Variants in ZNF800 observed in about 807,000 individuals in gnomAD.
ZNF800 encodes the protein zinc finger protein 800.
ZNF800 carries 13 observed loss-of-function variants against 59.5 expected under a neutral mutation model. The ratio of observed to expected loss-of-function variants is 0.22; its 90% CI spans 0.14 to 0.35. The LOEUF (loss-of-function observed/expected upper bound fraction) is 0.35, where lower values mean the gene tolerates loss of function less well. ZNF800 is among the 10% of genes least tolerant of loss of function. ZNF800 has a pLI of 1.00. For synonymous variants in ZNF800, 266 were observed against 265.7 expected (o/e 1.00, Z -0.01); for missense variants, 621 against 783.7 (o/e 0.79, Z 2.48).
intron 3 of ZNF800, among the ~76,000 whole-genome samples, chr7:127,379,628 C>T (rs899831524): frequency 2.6e-5 from 4 of 152,166 alleles, no homozygotes; most frequent in Middle Eastern, 3.4e-3. Flanking sequence ...ATCCCTAAAT[C>T]AGACACATCA....
At chr7:127,348,894 A>G (rs939546999) in intron 1 of ZNF800, among the ~76,000 whole-genome samples, 2 of 152,236 alleles carry the variant, frequency 1.3e-5, no homozygotes. Flanking sequence ...GTGGACATCA[A>G]AAGATTTTAA....
chr7:127,389,155 A>G (rs1173682280), intron 2 of ZNF800, among the ~76,000 whole-genome samples: 1 of 152,088 alleles, frequency 6.6e-6, no homozygotes, highest in Admixed American at 6.5e-5. Flanking sequence ...AATATTAGGG[A>G]GAGAGAGTAA....
At chr7:127,385,125 C>A (rs1293576778) in intron 3 of ZNF800, among the ~76,000 whole-genome samples, 2 of 152,118 alleles carry the variant, frequency 1.3e-5, no homozygotes, top group Admixed American at 6.6e-5. Flanking sequence ...TAGAAACAAG[C>A]AACTCAAAAA....
intron 2 of ZNF800, among the ~76,000 whole-genome samples, chr7:127,386,859 AAAC>A (rs1291337842): frequency 6.6e-6 from 1 of 151,890 alleles, no homozygotes; most frequent in Non-Finnish European, 1.5e-5. Context: ...GTTAAGCAAC[AAAC>A]ATAGGTTATA....
intron 1 of ZNF800, chr7:127,362,989 A>G (rs1800424615): frequency 6.6e-6 from 1 of 152,206 alleles, no homozygotes; most frequent in Non-Finnish European, 1.5e-5. Flanking sequence ...AAACATTCAG[A>G]GGCAGGATGG....
chr7:127,354,497 A>G (rs1399735700), intron 1 of ZNF800, among the ~76,000 whole-genome samples: 1 of 152,136 alleles, frequency 6.6e-6, no homozygotes, highest in Admixed American at 6.5e-5. Context: ...AGCAAGGTGC[A>G]GAAAGGTATG....
Position 127,370,657 on chromosome 7 carries a change from C to A in ZNF800, c.*1157G>T, listed in dbSNP as rs1800611427. On this transcript the variant is annotated 3_prime_UTR_variant, in exon 6 of 6. Transcript: ENST00000265827. ...AAACATGGTATATTTTCTGCTGTAC[C>A]TTTTATAATTATAATTTGACACAAA... 1.3e-5 allele frequency: 2 copies of A among 152,338 alleles called. No individual in the cohort carries two copies. Among genetic ancestry groups the A allele is most frequent in the African/African-American group, 4.8e-5 (2 of 41,392 alleles). The allele number at this position is 152,338 out of a possible 1,614,324, so 9.4% of individuals were successfully genotyped here. A position where few individuals can be genotyped will look rare whatever the true frequency, so the allele number is the denominator to read the frequency against.
At chr7:127,347,382 G>A (rs1185469261) in exon 2 of ZNF800, 9 of 150,446 alleles carry the variant, frequency 6.0e-5, no homozygotes, top group African/African-American at 2.0e-4. Flanking sequence ...GGGTTGTGGC[G>A]GGGGGGTGGG....
intron 1 of ZNF800, chr7:127,361,783 ATT>A (rs1009825462): frequency 6.6e-6 from 1 of 152,144 alleles, no homozygotes; most frequent in African/African-American, 2.4e-5. Context: ...ATTCACTAAT[ATT>A]TATTCATTCC....
chr7:127,349,016 C>G (rs73445355), intron 1 of ZNF800, among the ~76,000 whole-genome samples: 4,643 of 151,992 alleles, frequency 0.031, 213 homozygotes, highest in African/African-American at 0.099. Flanking sequence ...AAGCTACTGT[C>G]TTTTGTGACA....
At chr7:127,348,757 T>G (rs1408417796) in intron 1 of ZNF800, among the ~76,000 whole-genome samples, 1 of 152,212 alleles carries the variant, frequency 6.6e-6, no homozygotes, top group Non-Finnish European at 1.5e-5. Context: ...TTCCCAAATT[T>G]CATACAAGTT....
At chr7:127,363,808 A>C (rs185363825) in intron 1 of ZNF800, 72 of 152,238 alleles carry the variant, frequency 4.7e-4, no homozygotes, top group African/African-American at 1.6e-3. Flanking sequence ...AAAGTGATTT[A>C]AACTGGAAAG....
At chr7:127,345,193 A>C (rs1800035226), downstream of ZNF800, among the ~76,000 whole-genome samples, 1 of 152,206 alleles carries the variant, frequency 6.6e-6, no homozygotes, top group Non-Finnish European at 1.5e-5. Context: ...TTGTGCACCT[A>C]ATATGTGTCA....
chr7:127,379,268 T>C (rs1800883007), intron 3 of ZNF800, among the ~76,000 whole-genome samples: 2 of 152,144 alleles, frequency 1.3e-5, no homozygotes, highest in Non-Finnish European at 2.9e-5. Flanking sequence ...CTATGAGAGG[T>C]AGACTGATTT....
chr7:127,389,885 A>G (rs1163327800), intron 2 of ZNF800, among the ~76,000 whole-genome samples: 2 of 152,208 alleles, frequency 1.3e-5, no homozygotes, highest in East Asian at 3.8e-4. Flanking sequence ...AAACATCTTT[A>G]AAGACATTAA....
chr7:127,349,797 C>T (rs1299858638), intron 1 of ZNF800: 1 of 152,128 alleles, frequency 6.6e-6, no homozygotes, highest in Non-Finnish European at 1.5e-5. Flanking sequence ...CCTTAATATT[C>T]CCCAAATGAT....
intron 1 of ZNF800, among the ~76,000 whole-genome samples, chr7:127,359,366 C>A (rs780371209): frequency 1.3e-5 from 2 of 152,068 alleles, no homozygotes; most frequent in Non-Finnish European, 2.9e-5. Context: ...TAATTCTTAC[C>A]AACAAAGTTA....
At chr7:127,385,483 T>G (rs925265792) in intron 3 of ZNF800, among the ~76,000 whole-genome samples, 2 of 152,194 alleles carry the variant, frequency 1.3e-5, no homozygotes, top group Admixed American at 1.3e-4. Context: ...ATAAAGCTAA[T>G]TCTTATTATC....
At chr7:127,364,643 A>C (rs999217026) in intron 1 of ZNF800, 1 of 152,176 alleles carries the variant, frequency 6.6e-6, no homozygotes, top group African/African-American at 2.4e-5. Flanking sequence ...GAGCTAGTGG[A>C]CAGGGAGACA....
Sources: allele counts gnomAD v4.1 joint callset (sites outside exome capture counted in the v4.1 genomes callset), GRCh38; gene constraint gnomAD v4.1.1; transcripts MANE v1.5; gene names NCBI Gene and HGNC (gene_info 2026-07-23, HGNC 2026-07-21).